Variants in CNTNAP2 observed in about 807,000 individuals in gnomAD.
CNTNAP2 encodes the protein contactin-associated protein-like 2.
A neutral mutation model predicts 155.2 loss-of-function variants in CNTNAP2; 98 were observed. The ratio of observed to expected loss-of-function variants is 0.63; its 90% CI spans 0.54 to 0.75. The LOEUF is 0.75. Ranked by LOEUF, CNTNAP2 falls within the 30% of genes least tolerant of loss-of-function variation. The pLI, the probability that CNTNAP2 is intolerant of heterozygous loss-of-function variation, is 0.00. For missense variants in CNTNAP2, 1,727 were observed against 1,688.1 expected (o/e 1.02, Z -0.40); for synonymous variants, 651 against 631.2 (o/e 1.03, Z -0.47).
At chr7:146,234,187 G>A (rs1799433189) in intron 1 of CNTNAP2, among the ~76,000 whole-genome samples, 1 of 151,528 alleles carries the variant, frequency 6.6e-6, no homozygotes, top group Admixed American at 6.6e-5. Context: ...ATCTCATTGT[G>A]GTTTTGATTT....
In CNTNAP2 at chr7:146,882,706, G is replaced by T. The variant is rs1020966293; in HGVS notation, c.402+42802G>T. Among the ~76,000 whole-genome samples, 68 of 152,228 alleles carry T rather than the reference G, an allele frequency of 4.5e-4. 1 individual carries two copies. The highest frequency in any genetic ancestry group is 3.4e-3 in the Admixed American group (52 of 15,276). ...AACAGACTAATATACTCAGTAATGGGATTGCTGAGCTGAATGGTAGGTCAG... is the reference window on the plus strand; with the variant it reads ...AACAGACTAATATACTCAGTAATGGTATTGCTGAGCTGAATGGTAGGTCAG... On this transcript the variant is annotated intron_variant, in intron 3 of 23. Coordinates refer to ENST00000361727, the MANE Select transcript of CNTNAP2 (RefSeq NM_014141.6).
chr7:147,954,222 T>G (rs956493933), intron 14 of CNTNAP2, among the ~76,000 whole-genome samples: 3 of 152,130 alleles, frequency 2.0e-5, no homozygotes, highest in African/African-American at 7.2e-5. Context: ...CATAACTTTT[T>G]TTCTTTTGGT....
chr7:147,834,591 C>T (rs565365766), intron 13 of CNTNAP2, among the ~76,000 whole-genome samples: 58 of 152,260 alleles, frequency 3.8e-4, no homozygotes, highest in African/African-American at 1.3e-3. Flanking sequence ...ACACCTACAT[C>T]GACCAAATGG....
intron 8 of CNTNAP2, among the ~76,000 whole-genome samples, chr7:147,259,698 G>A (rs184331774): frequency 2.0e-5 from 3 of 152,222 alleles, no homozygotes; most frequent in Middle Eastern, 3.4e-3. Context: ...CAAGAGCATC[G>A]TCTTAAAAGT....
At chr7:146,477,198 C>A (rs925667440) in intron 1 of CNTNAP2, among the ~76,000 whole-genome samples, 6 of 152,240 alleles carry the variant, frequency 3.9e-5, no homozygotes, top group Non-Finnish European at 7.4e-5. Context: ...GAACCACTAC[C>A]TAGTCATGAA....
intron 13 of CNTNAP2, among the ~76,000 whole-genome samples, chr7:147,767,357 T>A (rs1431827203): frequency 6.6e-6 from 1 of 151,988 alleles, no homozygotes; most frequent in Non-Finnish European, 1.5e-5. Flanking sequence ...CAGCTCTGAG[T>A]TGACTCCAGG....
chr7:147,670,269 A>G (rs375272016), intron 13 of CNTNAP2, among the ~76,000 whole-genome samples: 4 of 152,220 alleles, frequency 2.6e-5, no homozygotes, highest in African/African-American at 9.6e-5. Flanking sequence ...AGCAGGGATA[A>G]AGGGAAGACC....
At chr7:148,314,913 G>A (rs1017531632) in intron 21 of CNTNAP2, among the ~76,000 whole-genome samples, 4 of 152,158 alleles carry the variant, frequency 2.6e-5, no homozygotes, top group East Asian at 3.9e-4. Flanking sequence ...CAGATAAAAC[G>A]TGTCTCCTTC....
intron 8 of CNTNAP2, among the ~76,000 whole-genome samples, chr7:147,191,511 A>T (rs1367869638): frequency 6.6e-6 from 1 of 152,110 alleles, no homozygotes; most frequent in Non-Finnish European, 1.5e-5. Flanking sequence ...TCCTGGTGGC[A>T]TGTGGTATGA....
chr7:146,509,246 A>G (rs1797431144), intron 1 of CNTNAP2, among the ~76,000 whole-genome samples: 2 of 152,212 alleles, frequency 1.3e-5, no homozygotes, highest in African/African-American at 4.8e-5. Context: ...CACCATTTGC[A>G]TGGCCTCCAT....
chr7:146,193,157 G>A (rs1241077882), intron 1 of CNTNAP2, among the ~76,000 whole-genome samples: 2 of 152,216 alleles, frequency 1.3e-5, no homozygotes, highest in African/African-American at 4.8e-5. Flanking sequence ...TCATGGGCTG[G>A]CATTGAGTGT....
intron 13 of CNTNAP2, among the ~76,000 whole-genome samples, chr7:147,823,834 G>T (rs1234929261): frequency 6.6e-6 from 1 of 152,018 alleles, no homozygotes; most frequent in Non-Finnish European, 1.5e-5. Context: ...AAGTAGTAAA[G>T]TTCTCTTTTA....
At chr7:147,781,608 A>G (rs2116555966) in intron 13 of CNTNAP2, among the ~76,000 whole-genome samples, 1 of 152,338 alleles carries the variant, frequency 6.6e-6, no homozygotes, top group Non-Finnish European at 1.5e-5. Context: ...AGGAGGATCT[A>G]TCAAAAGACT....
chr7:147,586,967 G>A (rs1447954673), intron 12 of CNTNAP2, among the ~76,000 whole-genome samples: 1 of 152,130 alleles, frequency 6.6e-6, no homozygotes, highest in Non-Finnish European at 1.5e-5. Flanking sequence ...ACACTTCAGT[G>A]CAAAGTTGTT....
intron 3 of CNTNAP2, among the ~76,000 whole-genome samples, chr7:147,005,058 T>G (rs1277790886): frequency 6.6e-6 from 1 of 152,078 alleles, no homozygotes; most frequent in Non-Finnish European, 1.5e-5. Flanking sequence ...AGTATTGGTC[T>G]CTCCGGAGGC....
chr7:146,246,538 A>G (rs802515), intron 1 of CNTNAP2, among the ~76,000 whole-genome samples: 138,172 of 149,068 alleles, frequency 0.93, 64,084 homozygotes, highest in South Asian at 0.98. Flanking sequence ...GGGTAGCCTC[A>G]GTATTGATTA....
rs185970729 is a variant in CNTNAP2 at position 147,332,810 on chromosome 7, C to T, written c.1498+32520C>T. 1.2e-4 allele frequency among the ~76,000 whole-genome samples: 18 copies of T among 152,132 alleles called. No individual in the cohort carries two copies. In the East Asian group the frequency reaches 1.5e-3, roughly 13 times the overall value. On this transcript the variant is annotated intron_variant, in intron 9 of 23. Coordinates refer to ENST00000361727, the MANE Select transcript of CNTNAP2 (RefSeq NM_014141.6). ...CTGGGAGGCAGAAGCTGTAGTGAGC[C>T]GAAATCATGCCACTGCGCTCCATCC...
At chr7:147,626,342 G>T (rs1205465289) in intron 12 of CNTNAP2, among the ~76,000 whole-genome samples, 1 of 151,784 alleles carries the variant, frequency 6.6e-6, no homozygotes, top group Non-Finnish European at 1.5e-5. Flanking sequence ...CAATTGCATG[G>T]GGGGGTGGGT....
chr7:146,647,720 G>A (rs1193972532), intron 1 of CNTNAP2, among the ~76,000 whole-genome samples: 17 of 152,086 alleles, frequency 1.1e-4, no homozygotes, highest in Admixed American at 1.0e-3. Context: ...CTCAAACTCC[G>A]TTTTGACCTT....
Sources: gnomAD v4.1 joint callset for allele counts (sites outside exome capture counted in the v4.1 genomes callset) on GRCh38, gnomAD v4.1.1 for gene constraint, MANE v1.5 for transcripts, NCBI Gene and HGNC (gene_info 2026-07-23, HGNC 2026-07-21) for gene names.